PARPBP: variants seen among roughly 807,000 people sequenced by gnomAD.
PARPBP encodes the protein PARP1 binding protein, also known as PCNA-interacting partner.
Under a neutral mutation model 50.0 loss-of-function variants are expected in PARPBP, and 52 were observed. The ratio of observed to expected loss-of-function variants is 1.04; its 90% CI spans 0.83 to 1.31. PARPBP has a LOEUF of 1.31. PARPBP is among the 50% of genes most tolerant of loss of function. The pLI, the probability that PARPBP is intolerant of heterozygous loss-of-function variation, is 0.00. For synonymous variants in PARPBP, 244 were observed against 232.1 expected, an observed-to-expected ratio of 1.05 and a Z score of -0.47; for missense variants, 697 against 672.0, an observed-to-expected ratio of 1.04 and a Z score of -0.41.
intron 3 of PARPBP, chr12:102,151,796 G>A (rs1243913041): frequency 2.0e-6 from 3 of 1,534,692 alleles, no homozygotes; most frequent in African/African-American, 2.7e-5. Context: ...GCTGTCATGC[G>A]GCAAGTGAGA....
chr12:102,141,173 T>C (rs1334755148), intron 2 of PARPBP, among the ~76,000 whole-genome samples: 2 of 152,216 alleles, frequency 1.3e-5, no homozygotes, highest in Non-Finnish European at 2.9e-5. Flanking sequence ...GCTCCTGTAT[T>C]GTGTGCATAT....
intron 2 of PARPBP, among the ~76,000 whole-genome samples, chr12:102,144,681 T>C (rs1885122283): frequency 6.6e-6 from 1 of 152,202 alleles, no homozygotes; most frequent in Admixed American, 6.5e-5. Flanking sequence ...CAAAATCTTA[T>C]TTTAAACATG....
chr12:102,134,422 A>T (rs1594456341), intron 2 of PARPBP, among the ~76,000 whole-genome samples: 1 of 152,180 alleles, frequency 6.6e-6, no homozygotes, highest in East Asian at 1.9e-4. Flanking sequence ...AGGAACTCTG[A>T]ATAGACCAAT....
At chr12:102,185,163 G>T (rs1328773519) in intron 9 of PARPBP, among the ~76,000 whole-genome samples, 1 of 152,066 alleles carries the variant, frequency 6.6e-6, no homozygotes, top group African/African-American at 2.4e-5. Flanking sequence ...CTCATTTTAG[G>T]TCCTCAACTT....
intron 9 of PARPBP, among the ~76,000 whole-genome samples, chr12:102,191,285 A>T (rs145283148): frequency 3.9e-3 from 600 of 152,296 alleles, no homozygotes; most frequent in African/African-American, 0.013. Flanking sequence ...TAATGCTACT[A>T]CTTAGGTCAA....
intron 4 of PARPBP, chr12:102,154,812 T>TCAATTAA (rs1283424367): frequency 1.3e-5 from 6 of 454,484 alleles, no homozygotes; most frequent in Non-Finnish European, 2.7e-5. Context: ...ATTAACTAAA[T>TCAATTAA]CTTTCCCCTT....
chr12:102,155,436 G>A (rs1012134953), intron 4 of PARPBP, among the ~76,000 whole-genome samples: 2 of 152,114 alleles, frequency 1.3e-5, no homozygotes, highest in African/African-American at 2.4e-5. Context: ...GGATTCCTAA[G>A]CCTAGCTGGG....
At chr12:102,131,820 A>T (rs1882895773) in intron 2 of PARPBP, among the ~76,000 whole-genome samples, 1 of 152,210 alleles carries the variant, frequency 6.6e-6, no homozygotes, top group Non-Finnish European at 1.5e-5. Context: ...AATAACAGGT[A>T]CTGGGGCCTA....
intron 9 of PARPBP, among the ~76,000 whole-genome samples, chr12:102,194,226 A>T (rs549417086): frequency 6.6e-6 from 1 of 152,152 alleles, no homozygotes; most frequent in East Asian, 1.9e-4. Flanking sequence ...ATATAAAGTC[A>T]TGCTGTTTTA....
chr12:102,184,012 A>C (rs1890072190), intron 9 of PARPBP, among the ~76,000 whole-genome samples: 1 of 138,112 alleles, frequency 7.2e-6, no homozygotes, highest in African/African-American at 2.8e-5. Context: ...ACACCACTTC[A>C]TTCTAGCCTG....
At position 102,165,666 on chromosome 12, in the gene PARPBP, A is replaced by G. The variant is rs1888063977; in HGVS notation, c.667-63A>G. The G allele has an allele frequency of 1.2e-5, 15 of 1,259,024 alleles. No individual in the cohort carries two copies. In the South Asian group the frequency reaches 1.8e-4, roughly 15 times the overall value. 78.0% of individuals were successfully genotyped at this position (1,259,024 alleles called of 1,614,324 possible). On this transcript the variant is annotated intron_variant, in intron 5 of 10. Transcript: ENST00000327680. ...GAATTATATAGATTTACTTAGCTTT[A>G]TGAAGTAAATTACAGTTTAATAAAT... is the stretch of plus-strand genomic sequence containing the variant.
chr12:102,124,966 A>G (rs1403955887), intron 2 of PARPBP, among the ~76,000 whole-genome samples: 2 of 152,238 alleles, frequency 1.3e-5, no homozygotes, highest in Non-Finnish European at 2.9e-5. Context: ...TGAAAAAGGA[A>G]GAATATTTTA....
intron 9 of PARPBP, among the ~76,000 whole-genome samples, chr12:102,192,479 T>C (rs2137428392): frequency 6.6e-6 from 1 of 152,242 alleles, no homozygotes; most frequent in East Asian, 1.9e-4. Context: ...CTTTTTGTGC[T>C]GCTTTCTTAG....
At chr12:102,144,557 A>G (rs972893272) in intron 2 of PARPBP, among the ~76,000 whole-genome samples, 10 of 152,218 alleles carry the variant, frequency 6.6e-5, no homozygotes, top group African/African-American at 2.2e-4. Flanking sequence ...CAATCCCAGT[A>G]TAAACACTGT....
rs1390215173 is a variant in PARPBP, at chr12:102,165,815, G to A, written c.753G>A (p.Lys251=). The A allele has an allele frequency of 1.9e-6, 3 of 1,589,206 alleles. No homozygotes were observed. Among genetic ancestry groups the A allele is most frequent in the Non-Finnish European group, 2.6e-6 (3 of 1,158,082 alleles). Residue 251 remains lysine, a synonymous_variant, in exon 6 of 11, where the codon AAG becomes AAA. Coordinates refer to ENST00000327680, the MANE Select transcript of PARPBP (RefSeq NM_017915.5). ...PPSDPLRTHV[K]GLSNFINFID... is the part of the protein sequence containing the mutation. ...CAGATCCTTTAAGGACACATGTAAA[G>A]GGATTGTCTAATTTTATTAATTTCA...
In PARPBP at chr12:102,196,044, A is replaced by G. The variant is rs759599506; in HGVS notation, c.1493A>G (p.Lys498Arg). The change falls in exon 11 of 11, where the codon AAA (lysine) becomes AGA (arginine). Residue 498 changes from lysine (K) to arginine (R), a missense_variant. Transcript: ENST00000327680. ...DRSKNEKVSR[K>R]STSQTGNKSS... ...AGTAAAAATGAAAAAGTATCAAGAA[A>G]ATCAACCAGTCAGACAGGAAATAAA... 33 of 1,611,700 alleles carry G rather than the reference A, an allele frequency of 2.0e-5. No individual in the cohort carries two copies. In the East Asian group the frequency reaches 7.2e-4, roughly 35 times the overall value.
intron 2 of PARPBP, among the ~76,000 whole-genome samples, chr12:102,132,855 G>T (rs1288936791): frequency 6.6e-6 from 1 of 152,022 alleles, no homozygotes. Context: ...AGTTTTCAGT[G>T]TGCAGATCTT....
At chr12:102,177,322 C>G (rs1889380381) in intron 7 of PARPBP, among the ~76,000 whole-genome samples, 1 of 152,118 alleles carries the variant, frequency 6.6e-6, no homozygotes, top group South Asian at 2.1e-4. Context: ...GGTATAATGT[C>G]CAGCAACCCT....
chr12:102,144,153 T>C (rs1223113028), intron 2 of PARPBP, among the ~76,000 whole-genome samples: 1 of 152,210 alleles, frequency 6.6e-6, no homozygotes, highest in Non-Finnish European at 1.5e-5. Context: ...TTAGTGCTCT[T>C]AAGTAGACCT....
Sources: gnomAD v4.1 joint callset for allele counts (sites outside exome capture counted in the v4.1 genomes callset) on GRCh38, gnomAD v4.1.1 for gene constraint, MANE v1.5 for transcripts, NCBI Gene and HGNC (gene_info 2026-07-23, HGNC 2026-07-21) for gene names.